The following AGAP1 variants were observed in gnomAD, a reference collection of about 807,000 sequenced individuals.
AGAP1 encodes ArfGAP with GTPase domain, ankyrin repeat and PH domain 1, also known as arf-GAP with GTPase, ANK repeat and PH domain-containing protein 1.
Under a neutral mutation model 105.3 loss-of-function variants are expected in AGAP1, and 29 were observed. That is an observed-to-expected ratio of 0.28 (90% CI 0.21 to 0.38). The LOEUF (loss-of-function observed/expected upper bound fraction) is 0.38, where lower values mean the gene tolerates loss of function less well. Among genes scored for constraint, AGAP1 ranks in the 10% least tolerant of loss-of-function variants. The pLI, the probability that AGAP1 is intolerant of heterozygous loss-of-function variation, is 1.00. For synonymous variants in AGAP1, 509 were observed against 485.9 expected (o/e 1.05, Z -0.63); for missense variants, 998 against 1,165.1 (o/e 0.86, Z 2.09).
rs1222474081 is a variant in AGAP1 at position 235,611,119 on chromosome 2, C to G, written c.164-98060C>G. Among the ~76,000 whole-genome samples the G allele has an allele frequency of 6.9e-6, 1 of 144,226 alleles. No individual in the cohort carries two copies. Among genetic ancestry groups the G allele is most frequent in the Middle Eastern group, 3.2e-3 (1 of 312 alleles). 94.6% of individuals were successfully genotyped at this position (144,226 alleles called of 152,430 possible). A position where few individuals can be genotyped will look rare whatever the true frequency, so the allele number is the denominator to read the frequency against. ...ACCTTCCACTGCCCCGAGGGGAGGA[C>G]TCTGCCCTACTGGATCCTCCACCTC... is the stretch of plus-strand genomic sequence containing the variant. On this transcript the variant is annotated intron_variant, in intron 1 of 17. Coordinates refer to ENST00000304032, the MANE Select transcript of AGAP1 (RefSeq NM_001037131.3). The surrounding 1 kb of genome is among the most constrained non-coding windows in gnomAD (Gnocchi z 5.0).
Position 235,615,947 on chromosome 2 carries a change from A to G in AGAP1, c.164-93232A>G, listed in dbSNP as rs1416055320. 6.6e-6 allele frequency among the ~76,000 whole-genome samples: 1 copy of G among 152,238 alleles called. No individual in the cohort carries two copies. Among genetic ancestry groups the G allele is most frequent in the African/African-American group, 2.4e-5 (1 of 41,460 alleles). ...ATATGTAAAGAGTTCTTATAAAACA[A>G]TAAGAAAAATATTTCCTAACTAAAG... is the stretch of plus-strand genomic sequence containing the variant. On this transcript the variant is annotated intron_variant, in intron 1 of 17. Transcript: ENST00000304032. This position sits in a 1 kb window ranked among gnomAD's most constrained non-coding sequence, Gnocchi z 5.0.
chr2:236,074,613 T>G (rs2058589397), intron 16 of AGAP1, among the ~76,000 whole-genome samples: 1 of 152,232 alleles, frequency 6.6e-6, no homozygotes, highest in South Asian at 2.1e-4. Flanking sequence ...AAAATAAATG[T>G]GTAAAAATGT....
chr2:235,511,205 C>T (rs975460556), intron 1 of AGAP1, among the ~76,000 whole-genome samples: 3 of 152,032 alleles, frequency 2.0e-5, no homozygotes, highest in Non-Finnish European at 2.9e-5. Flanking sequence ...AGCCCCAGGT[C>T]AGATGAGCTC....
At position 235,888,211 on chromosome 2, in the gene AGAP1, G is replaced by T. The variant is rs755639870; in HGVS notation, c.1155+4762G>T. On this transcript the variant is annotated intron_variant, in intron 10 of 17. Transcript: ENST00000304032. The surrounding 1 kb of genome is among the most constrained non-coding windows in gnomAD (Gnocchi z 4.8). ...GTGGTTATGGGCAGGGGGCGGGGGA[G>T]CGGGTAGTTCAGGAGGATCTCAGGA... 5.9e-5 allele frequency among the ~76,000 whole-genome samples: 9 copies of T among 152,154 alleles called. No homozygotes were observed. Among genetic ancestry groups the T allele is most frequent in the Non-Finnish European group, 1.3e-4 (9 of 68,022 alleles).
rs761612585 is a variant in AGAP1 at position 235,714,561 on chromosome 2, C to A, written c.223-2996C>A. On this transcript the variant is annotated intron_variant, in intron 2 of 17. Transcript: ENST00000304032. This position sits in a 1 kb window ranked among gnomAD's most constrained non-coding sequence, Gnocchi z 4.1. ...AAGCAGGGAGCGGGCAGATGAGAGG[C>A]GGGAGGGTTGTAACTGGGGTGTAAG... Among the ~76,000 whole-genome samples, 1 of 151,268 alleles carries A rather than the reference C, an allele frequency of 6.6e-6. No individual in the cohort carries two copies. The highest frequency in any genetic ancestry group is 2.4e-5 in the African/African-American group (1 of 41,112).
rs193214407 is a variant in AGAP1, at chr2:236,039,489, T to G, written c.1801-1262T>G. Among the ~76,000 whole-genome samples the G allele has an allele frequency of 1.5e-3, 235 of 152,314 alleles. 2 individuals carry two copies. The highest frequency in any genetic ancestry group is 5.2e-3 in the African/African-American group (217 of 41,578). On this transcript the variant is annotated intron_variant, in intron 14 of 17. Transcript: ENST00000304032. ...CAGTACATATCCTTTCACTTAGAAC[T>G]TCTACTTCCAGGAATCTATTCTTAG...
Position 235,867,572 on chromosome 2 carries a change from T to C in AGAP1, c.1051-15773T>C, listed in dbSNP as rs72985040. 1.9e-3 allele frequency among the ~76,000 whole-genome samples: 289 copies of C among 148,434 alleles called. No individual in the cohort carries two copies. The highest frequency in any genetic ancestry group is 6.9e-3 in the Middle Eastern group (2 of 290). ...GTGTGTGTGTGTGTGTGTGTGTGTG[T>C]GTGCAAGTGAGGGAGGGTGACCCCC... On this transcript the variant is annotated intron_variant, in intron 9 of 17. Transcript: ENST00000304032. This position sits in a 1 kb window ranked among gnomAD's most constrained non-coding sequence, Gnocchi z 5.4.
At chr2:235,784,242 T>C (rs1956467284) in intron 6 of AGAP1, among the ~76,000 whole-genome samples, 4 of 152,062 alleles carry the variant, frequency 2.6e-5, no homozygotes, top group Admixed American at 2.0e-4. Context: ...CAAGTAGAAG[T>C]GTACAGTATA....
At chr2:235,933,536 A>AT (rs71036300) in intron 12 of AGAP1, among the ~76,000 whole-genome samples, 18,827 of 141,874 alleles carry the variant, frequency 0.13, 3,827 homozygotes, top group African/African-American at 0.44. Flanking sequence ...TTTTCTAAGG[A>AT]TTTTTTTTTT....
chr2:235,683,304 T>C (rs1949190017), intron 1 of AGAP1, among the ~76,000 whole-genome samples: 1 of 152,106 alleles, frequency 6.6e-6, no homozygotes, highest in East Asian at 1.9e-4. Context: ...AGACTCCATC[T>C]CAAACAACAA....
At position 236,082,043 on chromosome 2, in the gene AGAP1, T is replaced by C. The variant is rs144048342; in HGVS notation, c.2114+32762T>C. On this transcript the variant is annotated intron_variant, in intron 16 of 17. Transcript: ENST00000304032. This position sits in a 1 kb window ranked among gnomAD's most constrained non-coding sequence, Gnocchi z 4.2. ...ATCCAAAAGGAATGTGAAAAAAGAG[T>C]TGTTTTAATGTTGGAAAAAGGCAGC... Among the ~76,000 whole-genome samples, 2 of 152,038 alleles carry C rather than the reference T, an allele frequency of 1.3e-5. No homozygotes were observed. Among genetic ancestry groups the C allele is most frequent in the African/African-American group, 4.8e-5 (2 of 41,438 alleles).
At position 236,046,901 on chromosome 2, in the gene AGAP1, G is replaced by C. The variant is rs13001137; in HGVS notation, c.1892-2158G>C. 6.6e-6 allele frequency among the ~76,000 whole-genome samples: 1 copy of C among 152,194 alleles called. No homozygotes were observed. The highest frequency in any genetic ancestry group is 1.5e-5 in the Non-Finnish European group (1 of 68,038). Reference sequence around the variant, plus strand: ...TAATCCCAACACTTTGGGAGGCCCAGGCAGGAGGATTGCTTGAGCCCAGTG... The same window carrying C: ...TAATCCCAACACTTTGGGAGGCCCACGCAGGAGGATTGCTTGAGCCCAGTG... On this transcript the variant is annotated intron_variant, in intron 15 of 17. Transcript: ENST00000304032. The surrounding 1 kb of genome is among the most constrained non-coding windows in gnomAD (Gnocchi z 5.2).
Position 236,090,734 on chromosome 2 carries a change from T to TTTTTG in AGAP1, c.2115-29443_2115-29439dup, listed in dbSNP as rs58178600. ...TTGGTGGTGGTTGTGTTTGTTTTGTTTTTTGTTTTGTTTTGTTTTTTTGAG... is the reference window on the plus strand; with the variant it reads ...TTGGTGGTGGTTGTGTTTGTTTTGTTTTTTGTTTTGTTTTGTTTTGTTTTTTTGAG... On this transcript the variant is annotated intron_variant, in intron 16 of 17. Coordinates refer to ENST00000304032, the MANE Select transcript of AGAP1 (RefSeq NM_001037131.3). This position sits in a 1 kb window ranked among gnomAD's most constrained non-coding sequence, Gnocchi z 4.3. Among the ~76,000 whole-genome samples, 3 of 151,804 alleles carry TTTTTG rather than the reference T, an allele frequency of 2.0e-5. No homozygotes were observed. Among genetic ancestry groups the TTTTTG allele is most frequent in the African/African-American group, 7.3e-5 (3 of 41,196 alleles).
Position 235,971,746 on chromosome 2 carries a change from TTTATTTATTTA to T in AGAP1, c.1645+3126_1645+3136del, listed in dbSNP as rs1297134165. ...AGCTAGTTATATATGTTTTATTTTA[TTTATTTATTTA>T]TTTATTTATTTATTTATTTATTTAT... On this transcript the variant is annotated intron_variant, in intron 13 of 17. Transcript: ENST00000304032. This position sits in a 1 kb window ranked among gnomAD's most constrained non-coding sequence, Gnocchi z 4.8. Among the ~76,000 whole-genome samples the T allele has an allele frequency of 6.5e-5, 6 of 92,032 alleles. No homozygotes were observed. Among genetic ancestry groups the T allele is most frequent in the African/African-American group, 2.7e-4 (6 of 22,508 alleles). 60.4% of individuals were successfully genotyped at this position (92,032 alleles called of 152,430 possible). A position where few individuals can be genotyped will look rare whatever the true frequency, so the allele number is the denominator to read the frequency against.
rs1035462313 is a variant in AGAP1, at chr2:235,958,576, A to T, written c.1484-9886A>T. On this transcript the variant is annotated intron_variant, in intron 12 of 17. Coordinates refer to ENST00000304032, the MANE Select transcript of AGAP1 (RefSeq NM_001037131.3). This position sits in a 1 kb window ranked among gnomAD's most constrained non-coding sequence, Gnocchi z 4.1. ...GAGCTCCCTGCAATGGTTCATCAAA[A>T]ATTGCCCAGCTAATGATCGGCTGGG... Among the ~76,000 whole-genome samples the T allele has an allele frequency of 6.6e-6, 1 of 152,130 alleles. No individual in the cohort carries two copies. Among genetic ancestry groups the T allele is most frequent in the Admixed American group, 6.5e-5 (1 of 15,278 alleles).
chr2:235,804,246 A>G (rs1957726963), intron 8 of AGAP1, among the ~76,000 whole-genome samples: 1 of 152,178 alleles, frequency 6.6e-6, no homozygotes, highest in African/African-American at 2.4e-5. Context: ...ATTATACATT[A>G]CATGGCCTTG....
In AGAP1 at chr2:235,633,014, A is replaced by T. The variant is rs1946877954; in HGVS notation, c.164-76165A>T. On this transcript the variant is annotated intron_variant, in intron 1 of 17. Coordinates refer to ENST00000304032, the MANE Select transcript of AGAP1 (RefSeq NM_001037131.3). This position sits in a 1 kb window ranked among gnomAD's most constrained non-coding sequence, Gnocchi z 4.8. The stretch of plus-strand genomic sequence containing the variant: ...CTTCCAAACCAGAAGCCCGTGGTGC[A>T]GCCTCTGAACCCCCGACTCTTGGTG... Among the ~76,000 whole-genome samples the T allele has an allele frequency of 6.6e-6, 1 of 151,794 alleles. No homozygotes were observed. The highest frequency in any genetic ancestry group is 2.1e-4 in the South Asian group (1 of 4,788).
intron 1 of AGAP1, among the ~76,000 whole-genome samples, chr2:235,499,951 A>G (rs1447003476): frequency 6.6e-6 from 1 of 152,138 alleles, no homozygotes; most frequent in Admixed American, 6.5e-5. Context: ...TAGGATAAAC[A>G]ATGTTTATAC....
rs564765146 is a variant in AGAP1 at position 235,550,148 on chromosome 2, C to T, written c.163+55299C>T. 1.3e-5 allele frequency among the ~76,000 whole-genome samples: 2 copies of T among 152,226 alleles called. No homozygotes were observed. Among genetic ancestry groups the T allele is most frequent in the Non-Finnish European group, 2.9e-5 (2 of 68,042 alleles). ...TGAGTGGGGCAGAACCATCATCCTG[C>T]GTGCAGCCTGCACACTCCCAGCACC... is the stretch of plus-strand genomic sequence containing the variant. On this transcript the variant is annotated intron_variant, in intron 1 of 17. Transcript: ENST00000304032. This position sits in a 1 kb window ranked among gnomAD's most constrained non-coding sequence, Gnocchi z 4.6.
Sources: allele counts gnomAD v4.1 joint callset (sites outside exome capture counted in the v4.1 genomes callset), GRCh38; gene constraint gnomAD v4.1.1; non-coding constraint Gnocchi (gnomAD v3.1); transcripts MANE v1.5; gene names NCBI Gene and HGNC (gene_info 2026-07-23, HGNC 2026-07-21).